Variants in MID1 observed in about 807,000 individuals in gnomAD.
MID1 encodes midline 1.
Under a neutral mutation model 40.4 loss-of-function variants are expected in MID1, and 7 were observed. The ratio of observed to expected loss-of-function variants is 0.17; its 90% CI spans 0.10 to 0.33. MID1 has a LOEUF of 0.33. MID1 is among the 10% of genes least tolerant of loss of function. The probability of loss-of-function intolerance (pLI) is 1.00; values close to 1 mark genes in which losing one functional copy is unlikely to be tolerated. For synonymous variants in MID1, 229 were observed against 221.2 expected, an observed-to-expected ratio of 1.04 and a Z score of -0.31; for missense variants, 367 against 558.5, an observed-to-expected ratio of 0.66 and a Z score of 3.46.
chrX:10,491,179 T>C (rs1930927952), intron 4 of MID1, among the ~76,000 whole-genome samples: 1 of 111,806 alleles, frequency 8.9e-6, no homozygotes, highest in Non-Finnish European at 1.9e-5. Context: ...ACATATATTG[T>C]TTTTCTTTAT....
intron 1 of MID1, among the ~76,000 whole-genome samples, chrX:10,713,789 A>C (rs993801033): frequency 8.9e-6 from 1 of 111,992 alleles, no homozygotes; most frequent in Admixed American, 9.5e-5. Context: ...AGATGGTCCA[A>C]AGAGGTTCAG....
At chrX:10,654,382 T>A (rs2042854742) in intron 1 of MID1, among the ~76,000 whole-genome samples, 2 of 111,847 alleles carry the variant, frequency 1.8e-5, no homozygotes, top group Admixed American at 1.9e-4. Context: ...GCCCCAACCC[T>A]TTTGGCGCCA....
intron 1 of MID1, among the ~76,000 whole-genome samples, chrX:10,685,024 T>C (rs899086903): frequency 8.9e-6 from 1 of 111,856 alleles, no homozygotes; most frequent in Non-Finnish European, 1.9e-5. Flanking sequence ...TTTTTGAACT[T>C]CATGTTGTAA....
intron 1 of MID1, among the ~76,000 whole-genome samples, chrX:10,659,232 G>A (rs2042895999): frequency 8.9e-6 from 1 of 112,034 alleles, no homozygotes; most frequent in Non-Finnish European, 1.9e-5. Flanking sequence ...GGCTCCCTGA[G>A]AAGCAGGAAC....
chrX:10,737,050 T>G (rs1323620771), intron 1 of MID1, among the ~76,000 whole-genome samples: 1 of 112,268 alleles, frequency 8.9e-6, no homozygotes, highest in Non-Finnish European at 1.9e-5. Context: ...GTGTGTGTAT[T>G]CTCACACAAA....
rs183868439 is a variant in MID1 at position 10,607,402 on chromosome X, G to T, written c.-57+12888C>A. ...TGGCATCCAGTTGCTTAAGGCCAGGGATACAGCTAAACATCCTACAGTGCA... is the reference window on the plus strand; with the variant it reads ...TGGCATCCAGTTGCTTAAGGCCAGGTATACAGCTAAACATCCTACAGTGCA... On this transcript the variant is annotated intron_variant, in intron 1 of 9. Transcript: ENST00000317552. Among the ~76,000 whole-genome samples the T allele has an allele frequency of 2.5e-3, 285 of 111,938 alleles. 3 individuals are homozygous for T. The highest frequency in any genetic ancestry group is 8.4e-3 in the African/African-American group (260 of 30,784).
rs183777806 is a variant in MID1 at position 10,775,838 on chromosome X, A to T, written c.-187+57716T>A. On this transcript the variant is annotated intron_variant, in intron 1 of 10. Coordinates refer to the MID1 transcript ENST00000380785. The stretch of plus-strand genomic sequence containing the variant: ...AGGGACAAAGGCATTTCTTTTGCTA[A>T]TTTAATCAGTAATAGTTTCAAAGGC... 7.3e-4 allele frequency among the ~76,000 whole-genome samples: 81 copies of T among 111,652 alleles called. No individual in the cohort carries two copies. The East Asian group carries it at 0.022, about 30-fold the overall frequency.
intron 1 of MID1, among the ~76,000 whole-genome samples, chrX:10,806,265 C>T (rs186820388): frequency 1.0e-3 from 114 of 111,487 alleles, no homozygotes; most frequent in African/African-American, 3.6e-3. Flanking sequence ...TGTAAGGAAG[C>T]GATCCAGTTT....
chrX:10,764,299 C>G (rs187907199), intron 1 of MID1, among the ~76,000 whole-genome samples: 4 of 111,471 alleles, frequency 3.6e-5, no homozygotes, highest in African/African-American at 9.8e-5. Flanking sequence ...TATGGTTTTA[C>G]GTCTTACATT....
chrX:10,483,079 T>A (rs1405776661), intron 4 of MID1, among the ~76,000 whole-genome samples: 1 of 112,454 alleles, frequency 8.9e-6, no homozygotes, highest in African/African-American at 3.2e-5. Flanking sequence ...TTCTAAAAAG[T>A]GTTTTTTGTA....
chrX:10,464,481 C>G (rs1312374999), intron 7 of MID1, among the ~76,000 whole-genome samples: 3 of 111,886 alleles, frequency 2.7e-5, no homozygotes, highest in Non-Finnish European at 5.6e-5. Flanking sequence ...TGTAATTTTG[C>G]AGGTCTTTGC....
At chrX:10,779,502 TAAAA>T (rs1418562987) in intron 1 of MID1, among the ~76,000 whole-genome samples, 6 of 112,254 alleles carry the variant, frequency 5.3e-5, no homozygotes. Context: ...GGCCATATAA[TAAAA>T]ACCTGGGTGA....
chrX:10,743,761 T>C (rs2043541534), intron 1 of MID1, among the ~76,000 whole-genome samples: 1 of 112,197 alleles, frequency 8.9e-6, no homozygotes, highest in African/African-American at 3.2e-5. Flanking sequence ...ATGTTTGATC[T>C]TATGAAGAAT....
chrX:10,601,605 A>G (rs1290539172), intron 1 of MID1, among the ~76,000 whole-genome samples: 4 of 111,643 alleles, frequency 3.6e-5, no homozygotes, highest in South Asian at 3.8e-4. Flanking sequence ...TTCATGCTCT[A>G]TAAGAACCGT....
intron 1 of MID1, among the ~76,000 whole-genome samples, chrX:10,697,766 A>AAC (rs1368521983): frequency 9.0e-6 from 1 of 111,306 alleles, no homozygotes; most frequent in Non-Finnish European, 1.9e-5. Context: ...GGTGATTGAA[A>AAC]ACAGGGTTTC....
chrX:10,611,917 G>T (rs926772182), intron 1 of MID1, among the ~76,000 whole-genome samples: 8 of 111,506 alleles, frequency 7.2e-5, no homozygotes, highest in African/African-American at 2.6e-4. Context: ...GTCAAAGCAC[G>T]ATGGCCTAAC....
chrX:10,460,691 C>T (rs748591099), intron 7 of MID1, among the ~76,000 whole-genome samples: 144 of 110,730 alleles, frequency 1.3e-3, no homozygotes, highest in Non-Finnish European at 1.1e-4. Context: ...CCCTCCACTT[C>T]CAGAGGACTC....
At chrX:10,566,532 C>CCTCTCT (rs773613255) in intron 2 of MID1, among the ~76,000 whole-genome samples, 33 of 52,861 alleles carry the variant, frequency 6.2e-4, no homozygotes, top group African/African-American at 1.4e-3. Context: ...CCTCTCTCTC[C>CCTCTCT]CTCTCTCTCT....
At chrX:10,537,719 T>C (rs1011480910) in intron 2 of MID1, among the ~76,000 whole-genome samples, 3 of 112,263 alleles carry the variant, frequency 2.7e-5, no homozygotes, top group African/African-American at 9.7e-5. Context: ...CAAACAATTA[T>C]AATAAAACAG....
Sources: allele counts gnomAD v4.1 joint callset (sites outside exome capture counted in the v4.1 genomes callset), GRCh38; gene constraint gnomAD v4.1.1; transcripts MANE v1.5; gene names NCBI Gene and HGNC (gene_info 2026-07-23, HGNC 2026-07-21).